The following SLC41A2 variants were observed in gnomAD, a reference collection of about 807,000 sequenced individuals.
The protein encoded by SLC41A2 is SLC41A1-like 1.
SLC41A2 carries 32 observed loss-of-function variants against 58.3 expected under a neutral mutation model. The ratio of observed to expected loss-of-function variants is 0.55; its 90% confidence interval spans 0.41 to 0.74. The LOEUF (loss-of-function observed/expected upper bound fraction) is 0.74. Among genes scored for constraint, SLC41A2 ranks in the 30% least tolerant of loss-of-function variants. SLC41A2 has a pLI of 0.00. For missense variants in SLC41A2, 514 were observed against 680.6 expected, an observed-to-expected ratio of 0.76 and a Z score of 2.72; for synonymous variants, 190 against 235.0, an observed-to-expected ratio of 0.81 and a Z score of 1.75.
chr12:104,880,383 T>C (rs2044300872), intron 6 of SLC41A2, among the ~76,000 whole-genome samples: 1 of 152,228 alleles, frequency 6.6e-6, no homozygotes, highest in Non-Finnish European at 1.5e-5. Flanking sequence ...AGGGCATCCC[T>C]GTCTTGTCAC....
intron 2 of SLC41A2, among the ~76,000 whole-genome samples, chr12:104,912,684 A>C (rs907929695): frequency 1.3e-5 from 2 of 152,184 alleles, no homozygotes; most frequent in African/African-American, 2.4e-5. Context: ...CAGACCAATC[A>C]AGCCCGAAGA....
chr12:104,911,976 GATAATA>G (rs923637918), intron 2 of SLC41A2, among the ~76,000 whole-genome samples: 1 of 152,090 alleles, frequency 6.6e-6, no homozygotes, highest in Non-Finnish European at 1.5e-5. Context: ...ATGAATAACA[GATAATA>G]ATAATAACAA....
chr12:104,860,579 G>A (rs561820215), intron 8 of SLC41A2, among the ~76,000 whole-genome samples: 17 of 151,768 alleles, frequency 1.1e-4, no homozygotes, highest in African/African-American at 3.1e-4. Context: ...AGGACCAATA[G>A]ATTTTTTTCT....
chr12:104,954,393 T>C (rs763792659), intron 1 of SLC41A2, among the ~76,000 whole-genome samples: 62 of 152,324 alleles, frequency 4.1e-4, no homozygotes, highest in Admixed American at 3.4e-3. Context: ...TCATCTACCA[T>C]AAAGGAGACA....
At chr12:104,912,869 A>G (rs1342374427) in intron 2 of SLC41A2, among the ~76,000 whole-genome samples, 4 of 152,204 alleles carry the variant, frequency 2.6e-5, no homozygotes, top group African/African-American at 9.7e-5. Context: ...ATTCTGCATC[A>G]GCCAGTGTCT....
intron 1 of SLC41A2, among the ~76,000 whole-genome samples, chr12:104,939,553 T>C (rs186493222): frequency 4.6e-5 from 7 of 152,314 alleles, no homozygotes; most frequent in Admixed American, 4.6e-4. Context: ...ATTGTATGTA[T>C]GTGGATTTAC....
At chr12:104,833,425 G>A (rs2042106387) in intron 10 of SLC41A2, among the ~76,000 whole-genome samples, 1 of 152,178 alleles carries the variant, frequency 6.6e-6, no homozygotes, top group Non-Finnish European at 1.5e-5. Flanking sequence ...CTGAAGCCAT[G>A]CTTCTCTAAA....
intron 1 of SLC41A2, among the ~76,000 whole-genome samples, chr12:104,947,023 A>G (rs2047743185): frequency 6.6e-6 from 1 of 152,126 alleles, no homozygotes; most frequent in East Asian, 1.9e-4. Flanking sequence ...ACAAACTTCA[A>G]TAAATGTTAG....
chr12:104,909,604 G>A (rs774307824), intron 3 of SLC41A2, 51 bp downstream of exon 3: 1 of 1,250,510 alleles, frequency 8.0e-7, no homozygotes, highest in Non-Finnish European at 1.2e-6. Context: ...CCCCTTAACA[G>A]AGAGAAACAG....
intron 2 of SLC41A2, among the ~76,000 whole-genome samples, chr12:104,922,005 C>T (rs2046618968): frequency 6.6e-6 from 1 of 151,846 alleles, no homozygotes. Flanking sequence ...ATGGTAACCA[C>T]AGTGTAAAAA....
At chr12:104,955,418 T>C (rs1417554647) in intron 1 of SLC41A2, among the ~76,000 whole-genome samples, 1 of 152,210 alleles carries the variant, frequency 6.6e-6, no homozygotes, top group African/African-American at 2.4e-5. Context: ...CACTCTGGCC[T>C]GTCTTCAGCA....
intron 10 of SLC41A2, among the ~76,000 whole-genome samples, chr12:104,815,452 A>ATAAAG (rs915729811): frequency 2.1e-4 from 32 of 152,206 alleles, no homozygotes; most frequent in African/African-American, 7.7e-4. Flanking sequence ...AAATAAATAT[A>ATAAAG]TAAAGTACAA....
At chr12:104,815,397 A>G (rs1243288668) in intron 10 of SLC41A2, among the ~76,000 whole-genome samples, 3 of 152,196 alleles carry the variant, frequency 2.0e-5, no homozygotes, top group Admixed American at 2.0e-4. Flanking sequence ...GCAACTTTGT[A>G]ACCTCAGCTA....
intron 1 of SLC41A2, among the ~76,000 whole-genome samples, chr12:104,931,400 G>A (rs1433640942): frequency 6.6e-6 from 1 of 152,096 alleles, no homozygotes; most frequent in African/African-American, 2.4e-5. Flanking sequence ...GCTCAAGGAG[G>A]ATCTGAGTCC....
chr12:104,875,338 T>G (rs1230727357), intron 6 of SLC41A2, among the ~76,000 whole-genome samples: 1 of 152,222 alleles, frequency 6.6e-6, no homozygotes. Flanking sequence ...GGTCTCACTA[T>G]GTTGCCCAGG....
chr12:104,850,604 C>G (rs1213431043), intron 8 of SLC41A2, among the ~76,000 whole-genome samples: 3 of 152,180 alleles, frequency 2.0e-5, no homozygotes, highest in Non-Finnish European at 4.4e-5. Flanking sequence ...GAGCTTCCCC[C>G]CTTCTAAGCT....
intron 10 of SLC41A2, among the ~76,000 whole-genome samples, chr12:104,843,937 T>C (rs1054070291): frequency 2.6e-5 from 4 of 152,124 alleles, no homozygotes; most frequent in South Asian, 4.1e-4. Context: ...TTCTTTTGAG[T>C]GTAATAATGT....
At chr12:104,919,616 C>T (rs2046496096) in intron 2 of SLC41A2, among the ~76,000 whole-genome samples, 1 of 152,142 alleles carries the variant, frequency 6.6e-6, no homozygotes, top group Non-Finnish European at 1.5e-5. Context: ...AACTTCTTTT[C>T]ATGTGTTTAT....
intron 8 of SLC41A2, among the ~76,000 whole-genome samples, chr12:104,846,499 C>G (rs1049169469): frequency 8.5e-5 from 13 of 152,160 alleles, no homozygotes; most frequent in African/African-American, 3.1e-4. Flanking sequence ...AATTGTTTCT[C>G]CTTTTGCAGA....
Sources: allele counts gnomAD v4.1 joint callset (sites outside exome capture counted in the v4.1 genomes callset), GRCh38; gene constraint gnomAD v4.1.1; transcripts MANE v1.5; gene names NCBI Gene and HGNC (gene_info 2026-07-23, HGNC 2026-07-21).